Variants in PDE10A observed in about 807,000 individuals in gnomAD.
PDE10A encodes the protein phosphodiesterase 10A, also known as cAMP and cAMP-inhibited cGMP 3',5'-cyclic phosphodiesterase 10A.
A neutral mutation model predicts 97.7 loss-of-function variants in PDE10A; 39 were observed. The ratio of observed to expected loss-of-function variants is 0.40; its 90% CI spans 0.31 to 0.52. The LOEUF is 0.52. PDE10A is among the 20% of genes least tolerant of loss of function. PDE10A has a pLI of 0.56. For synonymous variants in PDE10A, 371 were observed against 376.8 expected (o/e 0.98, Z 0.18); for missense variants, 731 against 1,047.8 (o/e 0.70, Z 4.17).
intron 1 of PDE10A, among the ~76,000 whole-genome samples, chr6:165,908,146 AAT>A (rs1365494962): frequency 6.6e-6 from 1 of 152,226 alleles, no homozygotes; most frequent in Non-Finnish European, 1.5e-5. Flanking sequence ...GCCCCAGAAT[AAT>A]CTTCACAAAA....
Position 165,633,754 on chromosome 6 carries a change from A to T in PDE10A, c.865+28193T>A, listed in dbSNP as rs187398924. Among the ~76,000 whole-genome samples, 5 of 150,502 alleles carry T rather than the reference A, an allele frequency of 3.3e-5. No individual in the cohort carries two copies. The East Asian group carries it at 9.8e-4, about 30-fold the overall frequency. ...GCAATTCTCATGCCTCAGCCTCCCG[A>T]GCAGCTGGGACTACAGGTGTGCACC... On this transcript the variant is annotated intron_variant, in intron 1 of 21. Transcript: ENST00000539869.
At chr6:165,772,763 G>A (rs1778049948) in intron 1 of PDE10A, among the ~76,000 whole-genome samples, 1 of 152,186 alleles carries the variant, frequency 6.6e-6, no homozygotes, top group Non-Finnish European at 1.5e-5. Flanking sequence ...GGGTGGGGGA[G>A]CAAGGAAGAG....
chr6:165,570,078 C>T (rs1784978570), intron 1 of PDE10A, among the ~76,000 whole-genome samples: 1 of 152,096 alleles, frequency 6.6e-6, no homozygotes, highest in South Asian at 2.1e-4. Context: ...CAGAATGTGA[C>T]TCTGTGTGGA....
intron 1 of PDE10A, among the ~76,000 whole-genome samples, chr6:165,947,402 T>G (rs1783807136): frequency 1.3e-5 from 2 of 152,200 alleles, no homozygotes; most frequent in Admixed American, 6.5e-5. Flanking sequence ...CTCCCTTAGA[T>G]CAATGTCTAG....
chr6:165,787,126 TAAAG>T (rs1562736592), intron 1 of PDE10A, among the ~76,000 whole-genome samples: 1 of 152,060 alleles, frequency 6.6e-6, no homozygotes, highest in Non-Finnish European at 1.5e-5. Context: ...AGCTCTCTCT[TAAAG>T]AAGCGAGATA....
chr6:165,636,023 T>A (rs898255314), intron 1 of PDE10A, among the ~76,000 whole-genome samples: 5 of 152,254 alleles, frequency 3.3e-5, no homozygotes, highest in Admixed American at 2.0e-4. Flanking sequence ...ATAGGAGCCA[T>A]TCCCATGACC....
intron 1 of PDE10A, among the ~76,000 whole-genome samples, chr6:165,643,022 A>G (rs780300946): frequency 1.3e-5 from 2 of 152,198 alleles, no homozygotes; most frequent in Non-Finnish European, 2.9e-5. Context: ...CTGGAAAGCC[A>G]TTCTCCAGTG....
chr6:165,548,998 TCCCA>T (rs111462053), intron 1 of PDE10A, among the ~76,000 whole-genome samples: 25,561 of 152,080 alleles, frequency 0.17, 2,449 homozygotes, highest in African/African-American at 0.26. Context: ...GCTCAAATTG[TCCCA>T]TCTTGCAGCC....
chr6:165,854,560 A>T (rs1002539394), intron 1 of PDE10A, among the ~76,000 whole-genome samples: 1 of 152,118 alleles, frequency 6.6e-6, no homozygotes, highest in Non-Finnish European at 1.5e-5. Flanking sequence ...CTGAGCTCCC[A>T]GGGCGGCACA....
chr6:165,745,493 T>A (rs1292392068), intron 1 of PDE10A, among the ~76,000 whole-genome samples: 1 of 152,242 alleles, frequency 6.6e-6, no homozygotes, highest in Non-Finnish European at 1.5e-5. Flanking sequence ...ATAATATCTT[T>A]ACCATCGACT....
At chr6:165,438,671 C>T (rs1021720781) in intron 5 of PDE10A, among the ~76,000 whole-genome samples, 1 of 152,152 alleles carries the variant, frequency 6.6e-6, no homozygotes, top group African/African-American at 2.4e-5. Flanking sequence ...AAGCTATACA[C>T]TTTGGCCTGG....
At chr6:165,436,915 C>T (rs912887195) in intron 5 of PDE10A, among the ~76,000 whole-genome samples, 1 of 151,420 alleles carries the variant, frequency 6.6e-6, no homozygotes, top group Non-Finnish European at 1.5e-5. Flanking sequence ...AATTCAAGAA[C>T]AAAAAGAATA....
At chr6:165,774,364 T>C (rs1778101148) in intron 1 of PDE10A, among the ~76,000 whole-genome samples, 2 of 151,532 alleles carry the variant, frequency 1.3e-5, no homozygotes, top group Non-Finnish European at 2.9e-5. Context: ...CAGGGACATG[T>C]AGAAATCAAT....
intron 1 of PDE10A, among the ~76,000 whole-genome samples, chr6:165,594,686 T>C (rs6902596): frequency 0.21 from 31,759 of 152,186 alleles, 3,688 homozygotes; most frequent in African/African-American, 0.31. Context: ...TTGAGAAATA[T>C]TATATTCACA....
At chr6:165,575,489 G>C (rs1213521813) in intron 1 of PDE10A, among the ~76,000 whole-genome samples, 2 of 151,922 alleles carry the variant, frequency 1.3e-5, no homozygotes, top group Admixed American at 6.6e-5. Flanking sequence ...CTCTTTTTTG[G>C]TTCTTGATTC....
At chr6:165,759,490 G>A (rs2128457687) in intron 1 of PDE10A, among the ~76,000 whole-genome samples, 1 of 152,272 alleles carries the variant, frequency 6.6e-6, no homozygotes, top group South Asian at 2.1e-4. Flanking sequence ...TTTCTCTGAT[G>A]GAGAGAAGGA....
intron 1 of PDE10A, chr6:165,948,780 G>A (rs1174343218): frequency 6.6e-6 from 1 of 152,450 alleles, no homozygotes; most frequent in East Asian, 1.9e-4. Context: ...CTGCAGAGGG[G>A]ACTTCCGCCT....
chr6:165,649,925 A>T (rs1422385919), intron 1 of PDE10A, among the ~76,000 whole-genome samples: 1 of 152,260 alleles, frequency 6.6e-6, no homozygotes, highest in Non-Finnish European at 1.5e-5. Flanking sequence ...CAATTGCATC[A>T]GTCAGAAACT....
chr6:165,823,539 A>AAATATTATATTTATAATTTATAACTATAT (rs71029564), intron 1 of PDE10A, among the ~76,000 whole-genome samples: 20,850 of 115,882 alleles, frequency 0.18, 2,717 homozygotes, highest in Non-Finnish European at 0.27. Flanking sequence ...CCTTAATTAT[A>AAATATTATATTTATAATTTATAACTATAT]AATATTATAT....
Sources: allele counts gnomAD v4.1 joint callset (sites outside exome capture counted in the v4.1 genomes callset), GRCh38; gene constraint gnomAD v4.1.1; transcripts MANE v1.5; gene names NCBI Gene and HGNC (gene_info 2026-07-23, HGNC 2026-07-21).